Variants in ARHGEF11 observed in about 807,000 individuals in gnomAD.
ARHGEF11 encodes Rho guanine exchange factor (GEF) 11.
A neutral mutation model predicts 193.7 loss-of-function variants in ARHGEF11; 55 were observed. The observed-to-expected ratio is 0.28, with a 90% confidence interval of 0.23 to 0.36. The LOEUF (loss-of-function observed/expected upper bound fraction) is 0.36, where lower values mean the gene tolerates loss of function less well. Among genes scored for constraint, ARHGEF11 ranks in the 10% least tolerant of loss-of-function variants. ARHGEF11 has a pLI of 1.00. For synonymous variants in ARHGEF11, 693 were observed against 768.0 expected (o/e 0.90, Z 1.62); for missense variants, 1,723 against 2,005.6 (o/e 0.86, Z 2.69).
intron 1 of ARHGEF11, among the ~76,000 whole-genome samples, chr1:157,022,692 A>G (rs939956467): frequency 1.3e-5 from 2 of 152,220 alleles, no homozygotes; most frequent in African/African-American, 4.8e-5. Flanking sequence ...ATATGGAAAT[A>G]TAAGTGACCC....
At chr1:156,937,079 G>T in intron 39 of ARHGEF11, 74 bp from the exon 40 acceptor site, 1 of 1,576,162 alleles carries the variant, frequency 6.3e-7, no homozygotes, top group Non-Finnish European at 8.6e-7. Flanking sequence ...GGTCTGTGCT[G>T]GGCCTTGGGG....
At position 156,958,856 on chromosome 1, in the gene ARHGEF11, C is replaced by A. The variant is rs749533536; in HGVS notation, c.1388G>T (p.Arg463Leu). ...ATACAGGCTGCCCAGCCCCAGTGTG[C>A]GCTTCGTTCTAAGCCAGATAAACAC... ...QEQIHDYRTK[R>L]TLGLGSLYGE... Residue 463 changes from arginine (R) to leucine (L), a missense_variant, in exon 17 of 41, where the codon CGC becomes CTC. Coordinates refer to ENST00000368194, the MANE Select transcript of ARHGEF11 (RefSeq NM_198236.3). 1.2e-6 allele frequency: 2 copies of A among 1,614,064 alleles called. No individual in the cohort carries two copies. Among genetic ancestry groups the A allele is most frequent in the African/African-American group, 2.7e-5 (2 of 74,928 alleles).
rs114196622 is a variant in ARHGEF11, at chr1:156,993,619, G to C, written c.33-7446C>G. ...GCTCCAGATAAAGTCCATACTTACTGAACTCTGACCTGGTCTTACTGGTTG... is the reference window on the plus strand; with the variant it reads ...GCTCCAGATAAAGTCCATACTTACTCAACTCTGACCTGGTCTTACTGGTTG... On this transcript the variant is annotated intron_variant, in intron 1 of 40. Transcript: ENST00000368194. Among the ~76,000 whole-genome samples the C allele has an allele frequency of 9.3e-3, 1,415 of 152,200 alleles. 25 individuals are homozygous for C. The highest frequency in any genetic ancestry group is 0.033 in the African/African-American group (1,354 of 41,518).
chr1:156,979,162 C>T, intron 5 of ARHGEF11, 67 bp downstream of exon 5: 2 of 1,454,790 alleles, frequency 1.4e-6, no homozygotes, highest in Non-Finnish European at 1.9e-6. Flanking sequence ...CTGACCTTTC[C>T]TCCCTCCTTT....
chr1:156,991,938 G>A lies in ARHGEF11; in HGVS notation c.33-5765C>T, dbSNP rs566539381. 4.0e-4 allele frequency among the ~76,000 whole-genome samples: 60 copies of A among 148,972 alleles called. No homozygotes were observed. In the East Asian group the frequency reaches 8.8e-3, roughly 22 times the overall value. On this transcript the variant is annotated intron_variant, in intron 1 of 40. Coordinates refer to ENST00000368194, the MANE Select transcript of ARHGEF11 (RefSeq NM_198236.3). ...TCACCGTTTTAGCCGGGATGGTCTCGATCTCCTGACCTCGTGATCCGCCCG... is the reference window on the plus strand; with the variant it reads ...TCACCGTTTTAGCCGGGATGGTCTCAATCTCCTGACCTCGTGATCCGCCCG...
At chr1:157,016,657 C>G (rs893635602) in intron 1 of ARHGEF11, among the ~76,000 whole-genome samples, 2 of 152,122 alleles carry the variant, frequency 1.3e-5, no homozygotes, top group African/African-American at 4.8e-5. Flanking sequence ...GAAAAATTTA[C>G]AGATAAAATG....
At chr1:157,019,401 G>T (rs1669684832) in intron 1 of ARHGEF11, among the ~76,000 whole-genome samples, 1 of 152,212 alleles carries the variant, frequency 6.6e-6, no homozygotes, top group African/African-American at 2.4e-5. Flanking sequence ...TGTTGACCAG[G>T]ATATAGAACA....
chr1:157,014,818 A>G (rs1345895781), intron 1 of ARHGEF11, among the ~76,000 whole-genome samples: 5 of 152,210 alleles, frequency 3.3e-5, no homozygotes, highest in Non-Finnish European at 7.3e-5. Context: ...AACAATGTTG[A>G]TTCCTCTTGC....
At position 156,948,166 on chromosome 1, in the gene ARHGEF11, G is replaced by A. The variant is rs375058748; in HGVS notation, c.2153+15C>T. 3.5e-5 allele frequency: 54 copies of A among 1,556,294 alleles called. No individual in the cohort carries two copies. The highest frequency in any genetic ancestry group is 2.2e-4 in the South Asian group (18 of 80,654). On this transcript the variant is annotated intron_variant, in intron 24 of 40. Transcript: ENST00000368194. The surrounding 1 kb of genome is among the most constrained non-coding windows in gnomAD (Gnocchi z 4.2). ...AGAGACACCAAACAGAGGCACCACCGTGCCCATCACTTACCTGCGGCCCAT... is the reference window on the plus strand; with the variant it reads ...AGAGACACCAAACAGAGGCACCACCATGCCCATCACTTACCTGCGGCCCAT...
chr1:157,016,427 C>CT (rs1233006439), intron 1 of ARHGEF11, among the ~76,000 whole-genome samples: 1 of 152,136 alleles, frequency 6.6e-6, no homozygotes, highest in Non-Finnish European at 1.5e-5. Context: ...ACCATGTTGG[C>CT]TAGGCTGGTC....
chr1:156,994,003 T>C (rs1666130271), intron 1 of ARHGEF11, among the ~76,000 whole-genome samples: 2 of 152,174 alleles, frequency 1.3e-5, no homozygotes, highest in South Asian at 4.1e-4. Context: ...TGGTGTGGAA[T>C]CTATTTCAAC....
chr1:156,950,652 A>G (rs1247648704), intron 22 of ARHGEF11, among the ~76,000 whole-genome samples: 1 of 151,984 alleles, frequency 6.6e-6, no homozygotes, highest in African/African-American at 2.4e-5. Context: ...TAAAAAAGAA[A>G]AAAAAATCCC....
chr1:156,953,309 T>C (rs1348461948), intron 21 of ARHGEF11, among the ~76,000 whole-genome samples: 3 of 152,104 alleles, frequency 2.0e-5, no homozygotes, highest in Admixed American at 6.5e-5. Flanking sequence ...TGTGGTGATA[T>C]ATGTCTGTGG....
At chr1:156,991,589 G>T (rs1445838505) in intron 1 of ARHGEF11, among the ~76,000 whole-genome samples, 1 of 152,062 alleles carries the variant, frequency 6.6e-6, no homozygotes, top group Non-Finnish European at 1.5e-5. Context: ...CAAAGCACTG[G>T]GATTACAGGC....
chr1:157,030,263 C>T (rs1557981225), intron 1 of ARHGEF11, among the ~76,000 whole-genome samples: 1 of 152,176 alleles, frequency 6.6e-6, no homozygotes, highest in Non-Finnish European at 1.5e-5. Flanking sequence ...GATAGGGCCC[C>T]TGAGTAGCTT....
intron 2 of ARHGEF11, among the ~76,000 whole-genome samples, chr1:156,985,566 G>C (rs1243532418): frequency 6.6e-6 from 1 of 152,058 alleles, no homozygotes; most frequent in Non-Finnish European, 1.5e-5. Context: ...TGGGACTACA[G>C]GCACGCACCA....
At chr1:156,995,581 G>GTTTTTTTT in intron 1 of ARHGEF11, among the ~76,000 whole-genome samples, 1 of 150,272 alleles carries the variant, frequency 6.7e-6, no homozygotes. Flanking sequence ...TTTGAGACAG[G>GTTTTTTTT]GTCTCACTCT....
intron 37 of ARHGEF11, chr1:156,938,816 C>G: frequency 2.5e-6 from 1 of 399,148 alleles, no homozygotes; most frequent in Non-Finnish European, 4.5e-6. Flanking sequence ...CAGGGGAGGG[C>G]AGGCCCACTA....
chr1:156,943,942 C>T lies in ARHGEF11; in HGVS notation c.3228G>A (p.Val1076=), dbSNP rs750722696. The change falls in exon 32 of 41, where the codon GTG becomes GTA. Residue 1076 remains valine (V), a synonymous_variant. Coordinates refer to ENST00000368194, the MANE Select transcript of ARHGEF11 (RefSeq NM_198236.3). Reference sequence around the variant, plus strand: ...GACCATCTCCCCAGGTACCTGTGGCCACAGAGCGGATGAGCACAGCATTGA... The same window carrying T: ...GACCATCTCCCCAGGTACCTGTGGCTACAGAGCGGATGAGCACAGCATTGA... ...LKLNAVLIRS[V]ATDKRAFFII... is the part of the protein sequence containing the mutation. 2.5e-6 allele frequency: 4 copies of T among 1,611,470 alleles called. No individual in the cohort carries two copies. In the East Asian group the frequency reaches 6.7e-5, roughly 27 times the overall value.
Sources: allele counts gnomAD v4.1 joint callset (sites outside exome capture counted in the v4.1 genomes callset), GRCh38; gene constraint gnomAD v4.1.1; non-coding constraint Gnocchi (gnomAD v3.1); transcripts MANE v1.5; gene names NCBI Gene and HGNC (gene_info 2026-07-23, HGNC 2026-07-21).